Variants in BDP1 observed in about 807,000 individuals in gnomAD.
The protein encoded by BDP1 is BDP1 general transcription factor IIIB subunit, also known as transcription factor TFIIIB component B'' homolog.
Under a neutral mutation model 266.6 loss-of-function variants are expected in BDP1, and 169 were observed. That is an observed-to-expected ratio of 0.63 (90% CI 0.56 to 0.72). The LOEUF is 0.72. Ranked by LOEUF, BDP1 falls within the 30% of genes least tolerant of loss-of-function variation. The probability of loss-of-function intolerance (pLI) is 0.00; values close to 1 mark genes in which losing one functional copy is unlikely to be tolerated. For synonymous variants in BDP1, 1,090 were observed against 1,022.4 expected, an observed-to-expected ratio of 1.07 and a Z score of -1.26; for missense variants, 3,015 against 3,053.8, an observed-to-expected ratio of 0.99 and a Z score of 0.30.
intron 4 of BDP1, among the ~76,000 whole-genome samples, chr5:71,464,816 T>G (rs1026612665): frequency 6.8e-6 from 1 of 147,336 alleles, no homozygotes; most frequent in South Asian, 2.2e-4. Flanking sequence ...CCTCCCGGGT[T>G]CAAGCGATTC....
At chr5:71,569,953 C>G (rs749801527), downstream of BDP1, among the ~76,000 whole-genome samples, 1 of 152,220 alleles carries the variant, frequency 6.6e-6, no homozygotes, top group Non-Finnish European at 1.5e-5. Flanking sequence ...TAGGAATCAA[C>G]AGATCCCACT....
At chr5:71,513,456 T>G in intron 19 of BDP1, 49 bp downstream of exon 19, 2 of 1,102,962 alleles carry the variant, frequency 1.8e-6, no homozygotes, top group Non-Finnish European at 2.6e-6. Context: ...TTTTTTTTTT[T>G]TAAGTTATTA....
chr5:71,524,700 C>CAT (rs1765690938), intron 25 of BDP1, among the ~76,000 whole-genome samples: 1 of 147,992 alleles, frequency 6.8e-6, no homozygotes, highest in African/African-American at 2.5e-5. Flanking sequence ...TTGGCAGGGT[C>CAT]ATAGGACAAT....
At chr5:71,499,249 G>A (rs568813607) in intron 13 of BDP1, among the ~76,000 whole-genome samples, 3 of 152,248 alleles carry the variant, frequency 2.0e-5, no homozygotes, top group African/African-American at 7.2e-5. Flanking sequence ...ACAGGCGCGC[G>A]CCTCTATGCC....
Position 71,510,241 on chromosome 5 carries a change from G to A in BDP1, c.3149G>A (p.Gly1050Glu). ...TEREVSPQEN[G>E]LEEVKPLGEM... ...AGAGAAGTATCCCCACAGGAAAATG[G>A]ACTAGAGGAGGTCAAGCCTCTAGGT... The change falls in exon 17 of 39, where the codon GGA becomes GAA. Residue 1050 changes from glycine (G) to glutamate (E), a missense_variant. This residue lies in a region of BDP1 where 2,383 missense variants were observed against 2,404.9 expected (regional missense o/e 0.99). Coordinates refer to ENST00000358731, the MANE Select transcript of BDP1 (RefSeq NM_018429.3). 1 of 1,613,570 alleles carries A rather than the reference G, an allele frequency of 6.2e-7. No individual in the cohort carries two copies. The highest frequency in any genetic ancestry group is 8.5e-7 in the Non-Finnish European group (1 of 1,179,962).
chr5:71,473,815 G>A (rs192705716), intron 7 of BDP1, among the ~76,000 whole-genome samples: 1 of 151,846 alleles, frequency 6.6e-6, no homozygotes, highest in East Asian at 1.9e-4. Flanking sequence ...ATCTCCTAAT[G>A]CTATCCCTCC....
At chr5:71,559,930 GGAGT>G in intron 36 of BDP1, 48 bp from the exon 37 acceptor site, 1 of 1,572,960 alleles carries the variant, frequency 6.4e-7, no homozygotes, top group South Asian at 1.2e-5. Flanking sequence ...GGGATTACAT[GGAGT>G]GTATTAACTT....
At chr5:71,492,119 C>T (rs1763633594) in intron 11 of BDP1, among the ~76,000 whole-genome samples, 1 of 152,160 alleles carries the variant, frequency 6.6e-6, no homozygotes, top group Non-Finnish European at 1.5e-5. Flanking sequence ...TTTTTATGAG[C>T]AAATAATATT....
intron 11 of BDP1, among the ~76,000 whole-genome samples, chr5:71,493,347 A>T (rs748117626): frequency 1.3e-5 from 2 of 152,016 alleles, no homozygotes; most frequent in Non-Finnish European, 2.9e-5. Flanking sequence ...ACAACCTTGA[A>T]CTCTTGGGCT....
the BDP1 span, among the ~76,000 whole-genome samples, chr5:71,573,643 G>C: frequency 6.6e-6 from 1 of 152,210 alleles, no homozygotes; most frequent in Non-Finnish European, 1.5e-5. Flanking sequence ...CATATCTGAC[G>C]TGGAATTTAA....
chr5:71,530,788 A>G (rs1766197457), intron 25 of BDP1, among the ~76,000 whole-genome samples: 1 of 152,212 alleles, frequency 6.6e-6, no homozygotes, highest in South Asian at 2.1e-4. Context: ...AATTATAACA[A>G]ATATGTTGGC....
intron 38 of BDP1, chr5:71,562,894 T>A: frequency 7.8e-7 from 1 of 1,286,686 alleles, no homozygotes; most frequent in South Asian, 1.2e-5. Context: ...AGCTGTCCAA[T>A]GGCAAGTATT....
At chr5:71,531,185 A>G (rs1766221787) in intron 25 of BDP1, among the ~76,000 whole-genome samples, 1 of 152,206 alleles carries the variant, frequency 6.6e-6, no homozygotes, top group Admixed American at 6.5e-5. Context: ...TAATAAGAGA[A>G]TAGGCCCAGG....
rs749389312 is a variant in BDP1, at chr5:71,483,897, G to A, written c.1069+1G>A. 6 of 1,606,368 alleles carry A rather than the reference G, an allele frequency of 3.7e-6. No individual in the cohort carries two copies. The highest frequency in any genetic ancestry group is 1.7e-4 in the Middle Eastern group (1 of 6,032). ...GGATGGAGAATAGACAAAGCATTCC[G>A]TAAGTATTAAGACCTCTTTTACAAA... On this transcript the variant is annotated splice_donor_variant, in intron 8 of 38. Coordinates refer to ENST00000358731, the MANE Select transcript of BDP1 (RefSeq NM_018429.3). LOFTEE classifies it high-confidence loss of function.
At chr5:71,490,169 A>AG (rs1311995801) in intron 10 of BDP1, among the ~76,000 whole-genome samples, 1 of 152,080 alleles carries the variant, frequency 6.6e-6, no homozygotes, top group Non-Finnish European at 1.5e-5. Flanking sequence ...TAAGAGTTTG[A>AG]GGGGGAGTCT....
In BDP1 at chr5:71,544,879, CAAAA is replaced by C. The variant is rs141573220; in HGVS notation, c.6564-136_6564-133del. Among the ~76,000 whole-genome samples the C allele has an allele frequency of 4.2e-3, 121 of 28,516 alleles. No homozygotes were observed. In the South Asian group the frequency reaches 0.074, roughly 18 times the overall value. The allele number at this position is 28,516 out of a possible 152,430, so 18.7% of individuals were successfully genotyped here. A position where few individuals can be genotyped will look rare whatever the true frequency, so the allele number is the denominator to read the frequency against. ...TGGGCGACAGAGTGAGACTCTGTCT[CAAAA>C]AAAAAAAAAAAAAAAAAAAAAAAGT... is the stretch of plus-strand genomic sequence containing the variant. On this transcript the variant is annotated intron_variant, in intron 31 of 38. Coordinates refer to ENST00000358731, the MANE Select transcript of BDP1 (RefSeq NM_018429.3).
intron 13 of BDP1, among the ~76,000 whole-genome samples, chr5:71,501,305 A>C (rs1403337133): frequency 1.3e-5 from 2 of 152,030 alleles, no homozygotes; most frequent in African/African-American, 2.4e-5. Context: ...CCTCCCAAGT[A>C]ACTGGGACTA....
At chr5:71,573,281 A>T in the BDP1 span, among the ~76,000 whole-genome samples, 1 of 151,826 alleles carries the variant, frequency 6.6e-6, no homozygotes, top group East Asian at 1.9e-4. Flanking sequence ...GGAGGATGAA[A>T]ATTGGCCTAT....
At chr5:71,573,084 C>T in the BDP1 span, among the ~76,000 whole-genome samples, 3 of 152,026 alleles carry the variant, frequency 2.0e-5, no homozygotes, top group African/African-American at 7.2e-5. Context: ...CAAAAATTAG[C>T]CGGGCGTGGT....
Sources: gnomAD v4.1 joint callset for allele counts (sites outside exome capture counted in the v4.1 genomes callset) on GRCh38, gnomAD v4.1.1 for gene constraint, gnomAD v4.1.1 regional missense constraint, MANE v1.5 for transcripts, NCBI Gene and HGNC (gene_info 2026-07-23, HGNC 2026-07-21) for gene names.